The following LCOR variants were observed in gnomAD, a reference collection of about 807,000 sequenced individuals.
The protein encoded by LCOR is ligand dependent nuclear receptor corepressor.
Under a neutral mutation model 64.4 loss-of-function variants are expected in LCOR, and 14 were observed. The observed-to-expected ratio is 0.22, with a 90% confidence interval of 0.14 to 0.34. The LOEUF (loss-of-function observed/expected upper bound fraction) is 0.34. Ranked by LOEUF, LCOR falls within the 10% of genes least tolerant of loss-of-function variation. The pLI, the probability that LCOR is intolerant of heterozygous loss-of-function variation, is 1.00. For synonymous variants in LCOR, 643 were observed against 642.5 expected (o/e 1.00, Z -0.01); for missense variants, 1,686 against 1,765.3 (o/e 0.96, Z 0.80).
intron 4 of LCOR, among the ~76,000 whole-genome samples, chr10:96,912,084 A>G (rs963222800): frequency 6.6e-6 from 1 of 151,950 alleles, no homozygotes; most frequent in African/African-American, 2.4e-5. Context: ...GACACATGCC[A>G]CCACGCCCAG....
At chr10:96,980,771 T>TTCTTTC (rs1331629291) in intron 7 of LCOR, 22 bp from the exon 8 acceptor site, 20 of 658,216 alleles carry the variant, frequency 3.0e-5, no homozygotes, top group Admixed American at 4.7e-5. Context: ...TACTAATTCC[T>TTCTTTC]TCTTTCTCTT....
intron 2 of LCOR, among the ~76,000 whole-genome samples, chr10:96,871,217 C>CTTTTTT (rs113618273): frequency 7.1e-6 from 1 of 140,004 alleles, no homozygotes; most frequent in African/African-American, 2.6e-5. Flanking sequence ...CCACACCTGG[C>CTTTTTT]TTTTTTTTTT....
chr10:96,927,502 T>C (rs1205059414), intron 4 of LCOR, among the ~76,000 whole-genome samples: 1 of 152,114 alleles, frequency 6.6e-6, no homozygotes, highest in Admixed American at 6.5e-5. Flanking sequence ...TCTCTTAAAA[T>C]TTATGTTTTT....
chr10:96,849,542 T>C (rs985477010), intron 2 of LCOR, among the ~76,000 whole-genome samples: 1 of 152,116 alleles, frequency 6.6e-6, no homozygotes, highest in Non-Finnish European at 1.5e-5. Flanking sequence ...AAATCCCAAA[T>C]TTGAAACGCT....
At chr10:96,888,875 G>A (rs1430219053) in intron 2 of LCOR, among the ~76,000 whole-genome samples, 1 of 152,142 alleles carries the variant, frequency 6.6e-6, no homozygotes, top group Non-Finnish European at 1.5e-5. Context: ...CTATAGTTAT[G>A]TTTTTTAGAG....
intron 7 of LCOR, among the ~76,000 whole-genome samples, chr10:96,965,169 T>G (rs1847935928): frequency 6.6e-6 from 1 of 151,086 alleles, no homozygotes; most frequent in Admixed American, 6.6e-5. Flanking sequence ...CCACCACGCC[T>G]GGCTAATTTT....
At chr10:96,921,630 T>G (rs1847083651) in intron 4 of LCOR, among the ~76,000 whole-genome samples, 1 of 152,042 alleles carries the variant, frequency 6.6e-6, no homozygotes, top group African/African-American at 2.4e-5. Context: ...CCTGGCTAAT[T>G]TTTTTGTATT....
chr10:96,881,692 G>A (rs1008645203), intron 2 of LCOR, among the ~76,000 whole-genome samples: 1 of 152,044 alleles, frequency 6.6e-6, no homozygotes, highest in East Asian at 1.9e-4. Context: ...CCTGTCCTCA[G>A]GTGATCCACC....
chr10:96,924,347 C>T (rs1353539120), intron 4 of LCOR, among the ~76,000 whole-genome samples: 2 of 152,014 alleles, frequency 1.3e-5, no homozygotes, highest in East Asian at 1.9e-4. Context: ...GGACTGCAGG[C>T]GTGTGCCTCT....
At chr10:96,955,809 C>G (rs765604352) in intron 7 of LCOR, 1 of 1,614,092 alleles carries the variant, frequency 6.2e-7, no homozygotes, top group Admixed American at 1.7e-5. Flanking sequence ...GAAAAACCCT[C>G]CAAAGAAAAA....
intron 7 of LCOR, among the ~76,000 whole-genome samples, chr10:96,953,713 C>A (rs979837112): frequency 2.0e-5 from 3 of 152,202 alleles, no homozygotes; most frequent in Non-Finnish European, 4.4e-5. Context: ...GTGTTTATCC[C>A]TCTGAATGGA....
intron 4 of LCOR, among the ~76,000 whole-genome samples, chr10:96,922,944 A>G (rs1213272987): frequency 2.6e-5 from 4 of 152,218 alleles, no homozygotes; most frequent in Admixed American, 1.3e-4. Context: ...TCTATTCATT[A>G]ACTTGATAGT....
intron 2 of LCOR, among the ~76,000 whole-genome samples, chr10:96,871,293 G>A (rs1436568064): frequency 6.6e-6 from 1 of 151,326 alleles, no homozygotes; most frequent in Non-Finnish European, 1.5e-5. Context: ...CTGGCCACTA[G>A]TGATCCTCCT....
At chr10:96,879,811 C>G (rs760460694) in intron 2 of LCOR, among the ~76,000 whole-genome samples, 1 of 152,086 alleles carries the variant, frequency 6.6e-6, no homozygotes, top group African/African-American at 2.4e-5. Flanking sequence ...TACAGGCGTG[C>G]GCCACCATGC....
Position 96,984,740 on chromosome 10 carries a change from G to A in LCOR, c.4280G>A (p.Gly1427Glu). The change falls in exon 8 of 8, where the codon GGA becomes GAA. Residue 1427 changes from glycine to glutamate, a missense_variant. By Grantham distance (98) the Gly-to-Glu change is moderately conservative (BLOSUM62 -2). Around this residue, in one of 3 missense-constraint regions of LCOR, gnomAD observed 1,293 missense variants for 1,410.4 expected, o/e 0.92. Coordinates refer to ENST00000421806, the MANE Select transcript of LCOR (RefSeq NM_001346516.2). ...GCCAGCAAAGAAAAGCATGCTGATG[G>A]AGCCACCAAAACCCCTGCTGCCAAG... ...VKASKEKHAD[G>E]ATKTPAAKRP... 2 of 1,613,806 alleles carry A rather than the reference G, an allele frequency of 1.2e-6. No individual in the cohort carries two copies. The highest frequency in any genetic ancestry group is 1.7e-6 in the Non-Finnish European group (2 of 1,179,978).
chr10:96,846,097 C>T (rs1845624544), intron 2 of LCOR, among the ~76,000 whole-genome samples: 1 of 151,938 alleles, frequency 6.6e-6, no homozygotes, highest in African/African-American at 2.4e-5. Context: ...ATCTTGGCTA[C>T]TCGGGAGGCT....
Position 96,982,603 on chromosome 10 carries a change from G to A in LCOR, c.2143G>A (p.Glu715Lys). 1 of 1,614,132 alleles carries A rather than the reference G, an allele frequency of 6.2e-7. No homozygotes were observed. Among genetic ancestry groups the A allele is most frequent in the Non-Finnish European group, 8.5e-7 (1 of 1,180,036 alleles). ...AAATCAGAGTTCCCCAATGGGCTTG[G>A]AGCCCCCCATGAGTCTGGGAAAGGC... ...SENQSSPMGL[E>K]PPMSLGKAED... Residue 715 changes from glutamate to lysine, a missense_variant, in exon 8 of 8, where the codon GAG becomes AAG. Coordinates refer to ENST00000421806, the MANE Select transcript of LCOR (RefSeq NM_001346516.2).
intron 1 of LCOR, among the ~76,000 whole-genome samples, chr10:96,832,715 C>T (rs1164128897): frequency 6.6e-6 from 1 of 151,242 alleles, no homozygotes; most frequent in South Asian, 2.1e-4. Flanking sequence ...CCGCTCCCGC[C>T]CCTGCTCCCG....
intron 7 of LCOR, chr10:96,957,333 TGAA>T: frequency 1.0e-6 from 1 of 985,096 alleles, no homozygotes; most frequent in Non-Finnish European, 1.2e-6. Flanking sequence ...AAGCACTCCT[TGAA>T]GAATATCTAA....
Sources: allele counts gnomAD v4.1 joint callset (sites outside exome capture counted in the v4.1 genomes callset), GRCh38; gene constraint gnomAD v4.1.1; regional missense constraint gnomAD v4.1.1; transcripts MANE v1.5; gene names NCBI Gene and HGNC (gene_info 2026-07-23, HGNC 2026-07-21).